Variants in PDE4D observed in about 807,000 individuals in gnomAD.
PDE4D encodes the protein phosphodiesterase 4D, also known as 3',5'-cyclic-AMP phosphodiesterase 4D.
A neutral mutation model predicts 87.4 loss-of-function variants in PDE4D; 24 were observed. That is an observed-to-expected ratio of 0.27 (90% CI 0.20 to 0.39). PDE4D has a LOEUF of 0.39. Among genes scored for constraint, PDE4D ranks in the 10% least tolerant of loss-of-function variants. The pLI is 1.00. For synonymous variants in PDE4D, 384 were observed against 383.2 expected (o/e 1.00, Z -0.02); for missense variants, 714 against 1,041.0 (o/e 0.69, Z 4.32).
chr5:60,501,172 C>T lies in PDE4D; in HGVS notation n.70+20879G>A, dbSNP rs376998916. ...CCGCTTCCCCCACCCCACAACAGTC[C>T]CCAGAGTGTGATGTTCCCCTTCCTG... On this transcript the variant is annotated intron_variant and non_coding_transcript_variant, in intron 1 of 2. Transcript: ENST00000506510. Among the ~76,000 whole-genome samples the T allele has an allele frequency of 5.8e-4, 89 of 152,144 alleles. 1 individual carries two copies. The East Asian group carries it at 0.015, about 25-fold the overall frequency.
At chr5:60,172,702 A>C (rs1170062830) in intron 2 of PDE4D, among the ~76,000 whole-genome samples, 4 of 152,164 alleles carry the variant, frequency 2.6e-5, no homozygotes, top group Non-Finnish European at 2.9e-5. Context: ...GGCTTTAACC[A>C]GGCCATCTTT....
intron 1 of PDE4D, among the ~76,000 whole-genome samples, chr5:60,233,708 C>T (rs1419331598): frequency 6.6e-6 from 1 of 151,638 alleles, no homozygotes; most frequent in Non-Finnish European, 1.5e-5. Flanking sequence ...TTATGTTGTG[C>T]CACATACTGT....
intron 2 of PDE4D, among the ~76,000 whole-genome samples, chr5:60,059,642 C>G (rs1771172131): frequency 6.6e-6 from 1 of 151,716 alleles, no homozygotes; most frequent in South Asian, 2.1e-4. Context: ...GCTAAGAATT[C>G]CAAAACACCA....
At chr5:60,365,641 C>T (rs1760459790) in intron 1 of PDE4D, among the ~76,000 whole-genome samples, 1 of 152,152 alleles carries the variant, frequency 6.6e-6, no homozygotes, top group African/African-American at 2.4e-5. Context: ...AGGCTTAGAG[C>T]AGGCACTCTT....
At chr5:59,041,478 A>G (rs1759677966) in intron 5 of PDE4D, among the ~76,000 whole-genome samples, 1 of 152,202 alleles carries the variant, frequency 6.6e-6, no homozygotes, top group Admixed American at 6.5e-5. Context: ...TTCCCATAAT[A>G]TAGGAATGTA....
chr5:60,268,899 T>C (rs1702362309), intron 1 of PDE4D, among the ~76,000 whole-genome samples: 1 of 152,198 alleles, frequency 6.6e-6, no homozygotes, highest in Non-Finnish European at 1.5e-5. Flanking sequence ...GTTTTTCTGA[T>C]TATAAAAACA....
At chr5:59,991,467 T>C (rs1293160199) in intron 2 of PDE4D, among the ~76,000 whole-genome samples, 1 of 152,054 alleles carries the variant, frequency 6.6e-6, no homozygotes, top group Non-Finnish European at 1.5e-5. Context: ...TTTTCCATCA[T>C]CTCCTTGCAA....
At chr5:59,327,196 CA>C (rs200886052) in intron 1 of PDE4D, among the ~76,000 whole-genome samples, 8,734 of 131,932 alleles carry the variant, frequency 0.066, 282 homozygotes, top group Middle Eastern at 0.14. Context: ...AATGAAATAC[CA>C]AAAAAAAAAA....
intron 1 of PDE4D, among the ~76,000 whole-genome samples, chr5:59,395,286 C>T (rs1789163041): frequency 6.6e-6 from 1 of 152,200 alleles, no homozygotes; most frequent in Non-Finnish European, 1.5e-5. Context: ...CAGGGCAGGG[C>T]ACAGACAAAC....
intron 1 of PDE4D, among the ~76,000 whole-genome samples, chr5:59,231,424 C>T (rs1197744279): frequency 6.6e-6 from 1 of 152,194 alleles, no homozygotes; most frequent in Admixed American, 6.5e-5. Flanking sequence ...GCTCCTCCCA[C>T]ATGCCTATCT....
At chr5:59,167,467 T>C (rs1376485332) in intron 5 of PDE4D, among the ~76,000 whole-genome samples, 1 of 152,232 alleles carries the variant, frequency 6.6e-6, no homozygotes, top group African/African-American at 2.4e-5. Context: ...TTTTCTATTT[T>C]CCTTTTGGCT....
At chr5:59,688,745 C>T (rs1340715859) in intron 1 of PDE4D, among the ~76,000 whole-genome samples, 1 of 151,944 alleles carries the variant, frequency 6.6e-6, no homozygotes, top group African/African-American at 2.4e-5. Context: ...GAGATAGAGA[C>T]ACAAAAAAAC....
intron 1 of PDE4D, among the ~76,000 whole-genome samples, chr5:59,756,741 T>C (rs1761285681): frequency 6.6e-6 from 1 of 151,948 alleles, no homozygotes. Context: ...ATTTATTGAA[T>C]GTATATTATA....
rs546490909 is a variant in PDE4D at position 59,931,733 on chromosome 5, A to G, written c.272+56755T>C. ...TTTTTCTTTTTTGAGACGGAGTCTCACTCTGTCGCCCAGGCTGGAGTGCAG... is the reference window on the plus strand; with the variant it reads ...TTTTTCTTTTTTGAGACGGAGTCTCGCTCTGTCGCCCAGGCTGGAGTGCAG... On this transcript the variant is annotated intron_variant, in intron 3 of 16. Transcript: ENST00000502484. 1.6e-4 allele frequency among the ~76,000 whole-genome samples: 19 copies of G among 121,252 alleles called. No homozygotes were observed. In the South Asian group the frequency reaches 2.2e-3, roughly 14 times the overall value. The allele number at this position is 121,252 out of a possible 152,430, so 79.5% of individuals were successfully genotyped here.
At chr5:59,385,373 A>G (rs2153605026) in intron 1 of PDE4D, among the ~76,000 whole-genome samples, 1 of 152,300 alleles carries the variant, frequency 6.6e-6, no homozygotes, top group South Asian at 2.1e-4. Context: ...CTGTCTTTAC[A>G]CTAGTTCATA....
chr5:59,109,617 T>G (rs1580841111), intron 5 of PDE4D, among the ~76,000 whole-genome samples: 1 of 152,150 alleles, frequency 6.6e-6, no homozygotes, highest in Non-Finnish European at 1.5e-5. Context: ...TAGGGGCTGG[T>G]GCATGCTGTA....
chr5:60,283,393 TA>T (rs1483668511), intron 1 of PDE4D, among the ~76,000 whole-genome samples: 3 of 152,204 alleles, frequency 2.0e-5, no homozygotes, highest in Non-Finnish European at 4.4e-5. Context: ...ACAAATGTTG[TA>T]AATTATGTTC....
intron 11 of PDE4D, among the ~76,000 whole-genome samples, chr5:58,977,917 ATACTG>A (rs1285048073): frequency 6.6e-6 from 1 of 152,080 alleles, no homozygotes. Flanking sequence ...CAGTCATTGT[ATACTG>A]TACAGGGATA....
intron 1 of PDE4D, among the ~76,000 whole-genome samples, chr5:59,337,846 A>G (rs973217941): frequency 6.6e-6 from 1 of 152,136 alleles, no homozygotes; most frequent in Non-Finnish European, 1.5e-5. Context: ...ACATTTTAAG[A>G]GGTCATGGGG....
Sources: gnomAD v4.1 joint callset for allele counts (sites outside exome capture counted in the v4.1 genomes callset) on GRCh38, gnomAD v4.1.1 for gene constraint, MANE v1.5 for transcripts, NCBI Gene and HGNC (gene_info 2026-07-23, HGNC 2026-07-21) for gene names.